PTPRN2: variants seen among roughly 807,000 people sequenced by gnomAD.
PTPRN2 encodes the protein receptor-type tyrosine-protein phosphatase N2.
Under a neutral mutation model 118.8 loss-of-function variants are expected in PTPRN2, and 74 were observed. That is an observed-to-expected ratio of 0.62 (90% confidence interval 0.52 to 0.76). The LOEUF (loss-of-function observed/expected upper bound fraction) is 0.76. Ranked by LOEUF, PTPRN2 falls within the 30% of genes least tolerant of loss-of-function variation. The probability of loss-of-function intolerance (pLI) is 0.00; values close to 1 mark genes in which losing one functional copy is unlikely to be tolerated. For synonymous variants in PTPRN2, 641 were observed against 608.0 expected (o/e 1.05, Z -0.80); for missense variants, 1,481 against 1,394.4 (o/e 1.06, Z -0.99).
In PTPRN2 at chr7:158,192,497, T is replaced by G; in HGVS notation, c.381-2A>C. Reference sequence around the variant, plus strand: ...CTGCCAACGCTGTGTTTTGAGGGCCTGAAAAAGCAAAAGAAACCAGACATC... The same window carrying G: ...CTGCCAACGCTGTGTTTTGAGGGCCGGAAAAAGCAAAAGAAACCAGACATC... On this transcript the variant is annotated splice_acceptor_variant, in intron 4 of 22. Coordinates refer to ENST00000389418, the MANE Select transcript of PTPRN2 (RefSeq NM_002847.5). LOFTEE classifies it high-confidence loss of function. The G allele has an allele frequency of 6.3e-7, 1 of 1,578,160 alleles. No individual in the cohort carries two copies. The highest frequency in any genetic ancestry group is 8.6e-7 in the Non-Finnish European group (1 of 1,165,724).
Position 158,526,063 on chromosome 7 carries a change from G to C in PTPRN2, c.113-36278C>G, listed in dbSNP as rs1313896859. On this transcript the variant is annotated intron_variant, in intron 1 of 22. Transcript: ENST00000389418. The surrounding 1 kb of genome is among the most constrained non-coding windows in gnomAD (Gnocchi z 5.2). Reference sequence around the variant, plus strand: ...GCATTGTGCAGTCCTTCCTTCCTCAGCAGCGCTGTGTGGGAAGGGGGACTA... The same window carrying C: ...GCATTGTGCAGTCCTTCCTTCCTCACCAGCGCTGTGTGGGAAGGGGGACTA... Among the ~76,000 whole-genome samples the C allele has an allele frequency of 6.6e-6, 1 of 152,214 alleles. No homozygotes were observed. Among genetic ancestry groups the C allele is most frequent in the East Asian group, 1.9e-4 (1 of 5,198 alleles).
At chr7:158,065,455 G>A (rs563534724) in intron 11 of PTPRN2, among the ~76,000 whole-genome samples, 1 of 152,272 alleles carries the variant, frequency 6.6e-6, no homozygotes, top group Non-Finnish European at 1.5e-5. Flanking sequence ...TCCAGAAGCA[G>A]CTGTGTTCAC....
intron 5 of PTPRN2, among the ~76,000 whole-genome samples, chr7:158,188,568 T>C (rs188611583): frequency 3.5e-5 from 1 of 28,288 alleles, no homozygotes; most frequent in South Asian, 1.2e-3. Flanking sequence ...GCCCCCTGTA[T>C]GGGGAAGGCC....
At chr7:158,467,194 C>A (rs1819458567) in intron 2 of PTPRN2, among the ~76,000 whole-genome samples, 1 of 152,170 alleles carries the variant, frequency 6.6e-6, no homozygotes, top group African/African-American at 2.4e-5. Flanking sequence ...TACCTGTCAG[C>A]CATCTGTATG....
intron 6 of PTPRN2, among the ~76,000 whole-genome samples, chr7:158,146,732 AAAAG>A (rs1563509402): frequency 6.6e-6 from 1 of 151,552 alleles, no homozygotes; most frequent in African/African-American, 2.4e-5. Context: ...AAAAAAAAAA[AAAAG>A]AAAGAAAAAA....
rs1554438733 is a variant in PTPRN2, at chr7:157,763,255, A to G, written c.1789-80318T>C. 6.6e-6 allele frequency among the ~76,000 whole-genome samples: 1 copy of G among 152,228 alleles called. No homozygotes were observed. ...TCCAGTCCAACTCAAATTTCCAGCC[A>G]CATACACCATGACCTCTGGCGTGAT... On this transcript the variant is annotated intron_variant, in intron 12 of 22. Transcript: ENST00000389418. This position sits in a 1 kb window ranked among gnomAD's most constrained non-coding sequence, Gnocchi z 4.9.
At chr7:158,170,552 A>G (rs1306516481) in intron 5 of PTPRN2, among the ~76,000 whole-genome samples, 1 of 152,242 alleles carries the variant, frequency 6.6e-6, no homozygotes, top group Non-Finnish European at 1.5e-5. Context: ...AGGAAAAAGA[A>G]TATTTCAGTA....
At position 157,540,769 on chromosome 7, in the gene PTPRN2, G is replaced by A. The variant is rs1219216428; in HGVS notation, c.2993C>T (p.Ala998Val). The A allele has an allele frequency of 1.1e-5, 17 of 1,567,742 alleles. No individual in the cohort carries two copies. Among genetic ancestry groups the A allele is most frequent in the Non-Finnish European group, 1.3e-5 (15 of 1,156,120 alleles). Residue 998 changes from alanine (A) to valine (V), a missense_variant, in exon 23 of 23, where the codon GCG (alanine) becomes GTG (valine). Ala to Val is a moderately conservative substitution (Grantham distance 64). Transcript: ENST00000389418. ...CACCTCCTCAGCCACGGCTGTCAGC[G>A]CGAACTCAAACTGCTCCTGCAGGGC... ...MVQTKEQFEF[A>V]LTAVAEEVNA...
intron 2 of PTPRN2, among the ~76,000 whole-genome samples, chr7:158,319,404 A>ACACAGCCTCCCCC (rs1802630149): frequency 1.1e-5 from 1 of 91,746 alleles, no homozygotes; most frequent in African/African-American, 5.1e-5. Flanking sequence ...CCTCCCACAC[A>ACACAGCCTCCCCC]CACACACAGC....
At chr7:158,317,968 T>C (rs978836811) in intron 2 of PTPRN2, among the ~76,000 whole-genome samples, 4 of 152,108 alleles carry the variant, frequency 2.6e-5, no homozygotes, top group Admixed American at 2.0e-4. Context: ...GCCCAGGGAA[T>C]CCGGGAGGCA....
intron 12 of PTPRN2, among the ~76,000 whole-genome samples, chr7:157,721,709 C>T (rs968625789): frequency 2.6e-5 from 4 of 152,158 alleles, no homozygotes; most frequent in Non-Finnish European, 5.9e-5. Context: ...ACGGTTTCCT[C>T]ACAGATGTTT....
At chr7:157,772,591 C>G (rs1362291833) in intron 12 of PTPRN2, among the ~76,000 whole-genome samples, 2 of 152,188 alleles carry the variant, frequency 1.3e-5, no homozygotes, top group Non-Finnish European at 2.9e-5. Flanking sequence ...CTGGGCGAAT[C>G]CTGCTGCGGG....
At chr7:158,139,027 A>C (rs1345782817) in intron 6 of PTPRN2, among the ~76,000 whole-genome samples, 1 of 150,428 alleles carries the variant, frequency 6.6e-6, no homozygotes, top group Non-Finnish European at 1.5e-5. Flanking sequence ...AATTACATCT[A>C]AACACAGCCA....
chr7:158,242,400 T>C (rs1183438232), intron 3 of PTPRN2, among the ~76,000 whole-genome samples: 1 of 152,216 alleles, frequency 6.6e-6, no homozygotes, highest in African/African-American at 2.4e-5. Flanking sequence ...CCTCTAAAGA[T>C]TGCAATCAGT....
rs1035650764 is a variant in PTPRN2, at chr7:157,673,064, C to CTTTTTTTTTTTT, written c.2001+9660_2001+9661insAAAAAAAAAAAA. Among the ~76,000 whole-genome samples the CTTTTTTTTTTTT allele has an allele frequency of 4.0e-5, 6 of 151,552 alleles. No homozygotes were observed. In the South Asian group the frequency reaches 1.0e-3, roughly 27 times the overall value. On this transcript the variant is annotated intron_variant, in intron 13 of 22. Transcript: ENST00000389418. ...AGAAATAACATACCCAGGTTCCATC[C>CTTTTTTTTTTTT]TTTTTTTTTGAGATGAAGTTTTGAT...
chr7:157,623,925 C>A (rs1803413789), intron 14 of PTPRN2, among the ~76,000 whole-genome samples: 1 of 152,184 alleles, frequency 6.6e-6, no homozygotes, highest in Non-Finnish European at 1.5e-5. Flanking sequence ...TGAAATATCC[C>A]CCAACTACAT....
chr7:157,644,462 C>T (rs1563295008), intron 14 of PTPRN2, among the ~76,000 whole-genome samples: 1 of 152,204 alleles, frequency 6.6e-6, no homozygotes, highest in Non-Finnish European at 1.5e-5. Flanking sequence ...ACATAGCCAG[C>T]ATACGCCTCT....
chr7:158,333,898 AC>A (rs1477268290), intron 2 of PTPRN2, among the ~76,000 whole-genome samples: 1 of 114,344 alleles, frequency 8.7e-6, no homozygotes, highest in Non-Finnish European at 1.9e-5. Flanking sequence ...AAGAGCTGAC[AC>A]CCGCAGACGT....
chr7:157,872,632 C>T (rs1811178686), intron 12 of PTPRN2, among the ~76,000 whole-genome samples: 1 of 152,268 alleles, frequency 6.6e-6, no homozygotes, highest in Non-Finnish European at 1.5e-5. Flanking sequence ...CCTTGGTTTC[C>T]CGGTATAACT....
Sources: gnomAD v4.1 joint callset for allele counts (sites outside exome capture counted in the v4.1 genomes callset) on GRCh38, gnomAD v4.1.1 for gene constraint, Gnocchi (gnomAD v3.1) non-coding constraint, MANE v1.5 for transcripts, NCBI Gene and HGNC (gene_info 2026-07-23, HGNC 2026-07-21) for gene names.